Variants in GNB1L observed in about 807,000 individuals in gnomAD.
GNB1L encodes G protein subunit beta 1 like, also known as guanine nucleotide-binding protein subunit beta-like protein 1.
GNB1L carries 20 observed loss-of-function variants against 29.1 expected under a neutral mutation model. That is an observed-to-expected ratio of 0.69 (90% CI 0.48 to 1.00). The LOEUF is 1.00. Ranked by LOEUF, GNB1L falls within the 50% of genes least tolerant of loss-of-function variation. GNB1L has a pLI of 0.00. For synonymous variants in GNB1L, 193 were observed against 206.5 expected (o/e 0.93, Z 0.56); for missense variants, 421 against 464.9 (o/e 0.91, Z 0.87).
At chr22:19,828,910 C>T (rs959061715) in intron 2 of GNB1L, among the ~76,000 whole-genome samples, 5 of 151,716 alleles carry the variant, frequency 3.3e-5, no homozygotes, top group African/African-American at 1.2e-4. Context: ...CGGCTCACTG[C>T]AACATCTGCC....
intron 2 of GNB1L, among the ~76,000 whole-genome samples, chr22:19,853,316 G>T (rs923076739): frequency 6.6e-6 from 1 of 152,106 alleles, no homozygotes; most frequent in South Asian, 2.1e-4. Flanking sequence ...GTCCCAGTCT[G>T]ATGGCTGGAC....
chr22:19,839,172 G>T (rs1937815700), intron 2 of GNB1L, among the ~76,000 whole-genome samples: 1 of 152,272 alleles, frequency 6.6e-6, no homozygotes, highest in South Asian at 2.1e-4. Context: ...CAAAAGGCAG[G>T]GTTTTGAGAG....
At chr22:19,821,485 G>C (rs893764957) in intron 2 of GNB1L, 110 bp from the exon 3 acceptor site, 52 of 1,079,064 alleles carry the variant, frequency 4.8e-5, no homozygotes, top group Non-Finnish European at 6.4e-5. Context: ...ATTGTCTCTG[G>C]CCCTGTGCCC....
At chr22:19,820,929 C>A (rs901529824) in intron 3 of GNB1L, among the ~76,000 whole-genome samples, 1 of 152,216 alleles carries the variant, frequency 6.6e-6, no homozygotes, top group Non-Finnish European at 1.5e-5. Context: ...CCCTCAGGAG[C>A]CTCTAGGGGT....
chr22:19,824,340 G>A (rs1487740908), intron 2 of GNB1L, among the ~76,000 whole-genome samples: 8 of 152,108 alleles, frequency 5.3e-5, no homozygotes, highest in Admixed American at 2.0e-4. Context: ...AGCAAAGGCC[G>A]CCCTTGCGCA....
intron 6 of GNB1L, among the ~76,000 whole-genome samples, chr22:19,804,657 T>C (rs1937412637): frequency 6.6e-6 from 1 of 150,846 alleles, no homozygotes; most frequent in South Asian, 2.1e-4. Context: ...GTGCCACAAT[T>C]GGATTGATAA....
At chr22:19,826,108 C>G (rs1003807278) in intron 2 of GNB1L, among the ~76,000 whole-genome samples, 1 of 152,238 alleles carries the variant, frequency 6.6e-6, no homozygotes, top group African/African-American at 2.4e-5. Context: ...CACTAGTGAC[C>G]TGGATTTCCA....
Position 19,788,714 on chromosome 22 carries a change from C to A in GNB1L, c.979G>T (p.Ala327Ser). 6.2e-7 allele frequency: 1 copy of A among 1,611,340 alleles called. No individual in the cohort carries two copies. The highest frequency in any genetic ancestry group is 8.5e-7 in the Non-Finnish European group (1 of 1,178,898). Residue 327 changes from alanine to serine, a missense_variant, in exon 8 of 8, where the codon GCA becomes TCA. Ala to Ser is a moderately conservative substitution (Grantham distance 99, BLOSUM62 1). Coordinates refer to ENST00000329517, the MANE Select transcript of GNB1L (RefSeq NM_053004.3). ...RISLWSLYPR[A>S] ...CCGGGAAGGGAGTGGGTGAGTCATGCGCGTGGGTAGAGTGACCAGAGGCTG... is the reference window on the plus strand; with the variant it reads ...CCGGGAAGGGAGTGGGTGAGTCATGAGCGTGGGTAGAGTGACCAGAGGCTG...
chr22:19,812,212 G>T, intron 5 of GNB1L, 73 bp downstream of exon 5: 1 of 1,478,164 alleles, frequency 6.8e-7, no homozygotes. Flanking sequence ...AGGCGCAGGC[G>T]CCTCCTAATC....
At chr22:19,851,544 T>G (rs932180181) in intron 2 of GNB1L, 2 of 1,613,078 alleles carry the variant, frequency 1.2e-6, no homozygotes, top group Admixed American at 1.7e-5. Context: ...ACAGCAGGGG[T>G]GGCCATGGCG....
chr22:19,835,539 T>C (rs1329059250), intron 2 of GNB1L, among the ~76,000 whole-genome samples: 3 of 151,978 alleles, frequency 2.0e-5, no homozygotes, highest in African/African-American at 7.3e-5. Flanking sequence ...CCAGGCATAG[T>C]AGCGCACGCC....
At chr22:19,811,815 T>C (rs1379238740) in intron 5 of GNB1L, among the ~76,000 whole-genome samples, 1 of 149,332 alleles carries the variant, frequency 6.7e-6, no homozygotes, top group East Asian at 2.1e-4. Context: ...CCTGCTGCCC[T>C]GGGTCAGCCC....
chr22:19,821,632 G>A (rs1937580157), intron 2 of GNB1L, among the ~76,000 whole-genome samples: 1 of 152,206 alleles, frequency 6.6e-6, no homozygotes, highest in African/African-American at 2.4e-5. Flanking sequence ...GGGGAACTGG[G>A]AGCCCCATGG....
At chr22:19,839,896 T>C (rs938346815) in intron 2 of GNB1L, among the ~76,000 whole-genome samples, 1 of 141,492 alleles carries the variant, frequency 7.1e-6, no homozygotes, top group Non-Finnish European at 1.6e-5. Context: ...ATAATAACAA[T>C]AATAATAATA....
chr22:19,789,153 G>A (rs193082713), intron 7 of GNB1L, among the ~76,000 whole-genome samples, 193 bp from the exon 8 acceptor site: 2 of 152,294 alleles, frequency 1.3e-5, no homozygotes, highest in African/African-American at 4.8e-5. Flanking sequence ...CCTCCCCTCA[G>A]AGTGGTCTTC....
At chr22:19,850,518 G>C (rs1453740651) in intron 2 of GNB1L, 12 of 1,066,330 alleles carry the variant, frequency 1.1e-5, no homozygotes, top group Non-Finnish European at 1.4e-5. Context: ...AGCCTGGCAA[G>C]GGGCTTGCAT....
intron 2 of GNB1L, among the ~76,000 whole-genome samples, chr22:19,834,523 G>C (rs1937731288): frequency 6.6e-6 from 1 of 152,206 alleles, no homozygotes; most frequent in Non-Finnish European, 1.5e-5. Context: ...TGTATTATCT[G>C]TTGAGGTTTT....
intron 2 of GNB1L, among the ~76,000 whole-genome samples, chr22:19,828,900 C>T (rs1187466774): frequency 3.3e-5 from 5 of 150,502 alleles, no homozygotes; most frequent in South Asian, 4.2e-4. Context: ...GACGTGGTTT[C>T]GGCTCACTGC....
chr22:19,818,630 C>A (rs796200042), intron 4 of GNB1L, among the ~76,000 whole-genome samples: 7 of 152,328 alleles, frequency 4.6e-5, no homozygotes, highest in African/African-American at 1.7e-4. Flanking sequence ...AGACAGGCCT[C>A]ATTCTCCAGG....
Sources: gnomAD v4.1 joint callset for allele counts (sites outside exome capture counted in the v4.1 genomes callset) on GRCh38, gnomAD v4.1.1 for gene constraint, MANE v1.5 for transcripts, NCBI Gene and HGNC (gene_info 2026-07-23, HGNC 2026-07-21) for gene names.